TBC1D5: variants seen among roughly 807,000 people sequenced by gnomAD.
The protein encoded by TBC1D5 is TBC1 domain family, member 5.
TBC1D5 carries 75 observed loss-of-function variants against 100.3 expected under a neutral mutation model. The observed-to-expected ratio is 0.75, with a 90% CI of 0.62 to 0.91. TBC1D5 has a LOEUF of 0.91. Among genes scored for constraint, TBC1D5 ranks in the 40% least tolerant of loss-of-function variants. The pLI is 0.00. For missense variants in TBC1D5, 910 were observed against 942.4 expected (o/e 0.97, Z 0.45); for synonymous variants, 323 against 325.6 (o/e 0.99, Z 0.09).
chr3:17,506,848 T>C (rs1266659733), intron 3 of TBC1D5, among the ~76,000 whole-genome samples: 1 of 151,458 alleles, frequency 6.6e-6, no homozygotes, highest in Non-Finnish European at 1.5e-5. Flanking sequence ...ACCCCGTCTC[T>C]ACTAAAAACA....
chr3:17,538,512 G>A (rs2096309593), intron 2 of TBC1D5, among the ~76,000 whole-genome samples: 1 of 152,158 alleles, frequency 6.6e-6, no homozygotes, highest in African/African-American at 2.4e-5. Flanking sequence ...GCCCTTCCAA[G>A]TGTACTGCTT....
chr3:17,661,859 A>C (rs2066691259), intron 1 of TBC1D5, among the ~76,000 whole-genome samples: 1 of 151,980 alleles, frequency 6.6e-6, no homozygotes, highest in Non-Finnish European at 1.5e-5. Flanking sequence ...CTTCATTTGA[A>C]ATGGAAAGGA....
chr3:17,243,524 G>GT (rs2076478022), intron 16 of TBC1D5, among the ~76,000 whole-genome samples: 1 of 151,664 alleles, frequency 6.6e-6, no homozygotes. Context: ...AAAAACAGTA[G>GT]TAAGAGCAAA....
intron 1 of TBC1D5, among the ~76,000 whole-genome samples, chr3:17,638,063 T>C (rs1247143041): frequency 6.6e-6 from 1 of 152,174 alleles, no homozygotes; most frequent in Non-Finnish European, 1.5e-5. Flanking sequence ...TTGACAATAA[T>C]TGTGAAGTAC....
rs567237362 is a variant in TBC1D5, at chr3:17,195,263, A to G, written c.1753-10055T>C. Among the ~76,000 whole-genome samples, 6 of 152,300 alleles carry G rather than the reference A, an allele frequency of 3.9e-5. No homozygotes were observed. In the South Asian group the frequency reaches 8.3e-4, roughly 21 times the overall value. On this transcript the variant is annotated intron_variant, in intron 18 of 21. Coordinates refer to ENST00000253692, the Ensembl canonical transcript of TBC1D5. ...TTTTTATAATTAGGCAACCTGACCA[A>G]TCATTTGGAAACCCATGTAGTTCTC...
chr3:17,181,349 C>A (rs1421506232), intron 19 of TBC1D5, among the ~76,000 whole-genome samples: 1 of 152,184 alleles, frequency 6.6e-6, no homozygotes, highest in African/African-American at 2.4e-5. Flanking sequence ...CTGGAAGAGT[C>A]TCTCAGATTC....
chr3:17,418,860 G>C (rs73161403), intron 4 of TBC1D5, among the ~76,000 whole-genome samples: 1 of 152,092 alleles, frequency 6.6e-6, no homozygotes, highest in Non-Finnish European at 1.5e-5. Context: ...CAAAAGTACA[G>C]TTGGCCCTCC....
intron 19 of TBC1D5, among the ~76,000 whole-genome samples, chr3:17,178,191 G>A (rs2068026508): frequency 6.6e-6 from 1 of 150,856 alleles, no homozygotes; most frequent in Non-Finnish European, 1.5e-5. Flanking sequence ...TCAGCCTCCT[G>A]AGTAGCTGGG....
intron 17 of TBC1D5, 73 bp from the exon 18 acceptor site, chr3:17,233,823 A>G: frequency 1.1e-6 from 1 of 872,924 alleles, no homozygotes; most frequent in South Asian, 1.6e-5. Context: ...TTTTATACTG[A>G]ATGTTCTAAT....
chr3:17,478,277 T>C (rs1447890621), intron 3 of TBC1D5, among the ~76,000 whole-genome samples: 5 of 152,198 alleles, frequency 3.3e-5, no homozygotes, highest in Admixed American at 6.5e-5. Flanking sequence ...TTACATATCA[T>C]AAATGTTCAT....
chr3:17,537,210 T>C (rs1317407329), intron 2 of TBC1D5, among the ~76,000 whole-genome samples: 1 of 152,228 alleles, frequency 6.6e-6, no homozygotes, highest in Non-Finnish European at 1.5e-5. Context: ...CAGAGTCAGC[T>C]TGGAAAGTAA....
chr3:17,707,350 A>G (rs2074283186), intron 1 of TBC1D5, among the ~76,000 whole-genome samples: 1 of 152,132 alleles, frequency 6.6e-6, no homozygotes, highest in Non-Finnish European at 1.5e-5. Flanking sequence ...AATTTATAAA[A>G]TTTTCACAGT....
chr3:17,555,302 A>G (rs1225197775), intron 2 of TBC1D5, among the ~76,000 whole-genome samples: 1 of 152,210 alleles, frequency 6.6e-6, no homozygotes, highest in Non-Finnish European at 1.5e-5. Context: ...TCCTAAGAAC[A>G]TGTTCCCAAG....
chr3:17,669,860 C>G (rs7632240), intron 1 of TBC1D5, among the ~76,000 whole-genome samples: 1 of 151,950 alleles, frequency 6.6e-6, no homozygotes, highest in Non-Finnish European at 1.5e-5. Context: ...TATCTTTAAC[C>G]GTCCTCTCGA....
At chr3:17,267,458 C>T (rs1391197233) in intron 15 of TBC1D5, among the ~76,000 whole-genome samples, 1 of 151,846 alleles carries the variant, frequency 6.6e-6, no homozygotes, top group African/African-American at 2.4e-5. Context: ...TTCCTAAGAG[C>T]GGTTCCCAAT....
chr3:17,642,759 T>C (rs2064644520), intron 1 of TBC1D5, among the ~76,000 whole-genome samples: 1 of 152,080 alleles, frequency 6.6e-6, no homozygotes, highest in African/African-American at 2.4e-5. Flanking sequence ...ACTAAGACAT[T>C]TCATTATAAT....
At chr3:17,646,971 G>A (rs1440735235) in intron 1 of TBC1D5, 1 of 151,992 alleles carries the variant, frequency 6.6e-6, no homozygotes, top group Admixed American at 6.6e-5. Context: ...CCACTGCTTA[G>A]CTCCCAATTT....
At chr3:17,250,380 C>T (rs778099893) in intron 16 of TBC1D5, among the ~76,000 whole-genome samples, 3 of 152,226 alleles carry the variant, frequency 2.0e-5, no homozygotes, top group Non-Finnish European at 2.9e-5. Context: ...TATCATTCCA[C>T]CATTCAGAGC....
intron 18 of TBC1D5, among the ~76,000 whole-genome samples, chr3:17,205,061 G>A (rs1194542524): frequency 6.6e-6 from 1 of 152,024 alleles, no homozygotes; most frequent in Non-Finnish European, 1.5e-5. Flanking sequence ...AGGTTAATTT[G>A]GCCTTAGATT....
Sources: gnomAD v4.1 joint callset for allele counts (sites outside exome capture counted in the v4.1 genomes callset) on GRCh38, gnomAD v4.1.1 for gene constraint, MANE v1.5 for transcripts, NCBI Gene and HGNC (gene_info 2026-07-23, HGNC 2026-07-21) for gene names.